TBK1: variants seen among roughly 807,000 people sequenced by gnomAD.
TBK1 encodes the protein serine/threonine-protein kinase TBK1.
Under a neutral mutation model 99.9 loss-of-function variants are expected in TBK1, and 37 were observed. That is an observed-to-expected ratio of 0.37 (90% CI 0.28 to 0.49). TBK1 has a LOEUF of 0.49. TBK1 is among the 20% of genes least tolerant of loss of function. TBK1 has a pLI of 0.98. For missense variants in TBK1, 644 were observed against 872.5 expected, an observed-to-expected ratio of 0.74 and a Z score of 3.30; for synonymous variants, 258 against 279.8, an observed-to-expected ratio of 0.92 and a Z score of 0.78.
chr12:64,489,909 T>A, intron 12 of TBK1, 132 bp from the exon 13 acceptor site: 1 of 594,616 alleles, frequency 1.7e-6, no homozygotes, highest in South Asian at 2.8e-5. Context: ...ATCTGCTGGC[T>A]TATAGACTTT....
At chr12:64,495,237 G>C in intron 13 of TBK1, 1 of 323,330 alleles carries the variant, frequency 3.1e-6, no homozygotes, top group Admixed American at 4.6e-5. Context: ...TTTTAGAAGG[G>C]TGTTTACTGA....
chr12:64,463,167 C>T (rs1186451183), intron 3 of TBK1, among the ~76,000 whole-genome samples: 1 of 151,264 alleles, frequency 6.6e-6, no homozygotes, highest in Admixed American at 6.6e-5. Context: ...GTCAGGAGAT[C>T]GAGACCATCC....
chr12:64,495,426 T>C, intron 13 of TBK1, 57 bp from the exon 14 acceptor site: 3 of 1,591,450 alleles, frequency 1.9e-6, no homozygotes, highest in Non-Finnish European at 2.6e-6. Context: ...TTGTTGGGAC[T>C]GTGATGATCA....
intron 15 of TBK1, chr12:64,496,057 A>G (rs1012430981): frequency 2.7e-6 from 1 of 374,170 alleles, no homozygotes; most frequent in Non-Finnish European, 4.8e-6. Context: ...GGACTCATCT[A>G]CAGGGGAGAG....
rs1035971620 is a variant in TBK1 at position 64,486,101 on chromosome 12, G to C, written c.1340+84G>C. The C allele has an allele frequency of 4.6e-5, 39 of 848,400 alleles. No individual in the cohort carries two copies. The African/African-American group carries it at 6.6e-4, about 14-fold the overall frequency. The allele number at this position is 848,400 out of a possible 1,614,324, so 52.6% of individuals were successfully genotyped here. Reference sequence around the variant, plus strand: ...ATATTTTCTCTCTTCAAACTAGTTAGGTTAGGTGCTTGATTTTTATTATAA... The same window carrying C: ...ATATTTTCTCTCTTCAAACTAGTTACGTTAGGTGCTTGATTTTTATTATAA... On this transcript the variant is annotated intron_variant, in intron 11 of 20. Coordinates refer to ENST00000331710, the MANE Select transcript of TBK1 (RefSeq NM_013254.4).
At chr12:64,494,636 T>G (rs1357039726) in intron 13 of TBK1, among the ~76,000 whole-genome samples, 2 of 152,116 alleles carry the variant, frequency 1.3e-5, no homozygotes, top group Non-Finnish European at 2.9e-5. Flanking sequence ...CACAGAACAT[T>G]TAGAGACAAT....
intron 7 of TBK1, among the ~76,000 whole-genome samples, chr12:64,480,806 T>C (rs1185326721): frequency 6.6e-6 from 1 of 152,204 alleles, no homozygotes; most frequent in Non-Finnish European, 1.5e-5. Flanking sequence ...CCATTTTTCT[T>C]GAGTGTGGTA....
chr12:64,494,702 C>T lies in TBK1; in HGVS notation c.1522-781C>T, dbSNP rs60894389. On this transcript the variant is annotated intron_variant, in intron 13 of 20. Transcript: ENST00000331710. ...ACACTCTTGAAAAAATGCTCAAATC[C>T]AATAGTAAGAAAAAATTGCATAACA... Among the ~76,000 whole-genome samples the T allele has an allele frequency of 2.4e-3, 366 of 152,150 alleles. 1 individual carries two copies. Among genetic ancestry groups the T allele is most frequent in the African/African-American group, 8.6e-3 (355 of 41,506 alleles).
At chr12:64,470,419 C>T (rs2040650961) in intron 5 of TBK1, among the ~76,000 whole-genome samples, 1 of 152,058 alleles carries the variant, frequency 6.6e-6, no homozygotes, top group African/African-American at 2.4e-5. Flanking sequence ...TGTAATACTA[C>T]TTTGAATACA....
intron 11 of TBK1, 83 bp from the exon 12 acceptor site, chr12:64,488,404 A>T (rs1354342049): frequency 1.5e-6 from 1 of 668,536 alleles, no homozygotes; most frequent in African/African-American, 1.9e-5. Context: ...ATGTTTTTGA[A>T]CTGTAGTACT....
chr12:64,482,990 A>G (rs548637078), intron 8 of TBK1, among the ~76,000 whole-genome samples: 3 of 152,204 alleles, frequency 2.0e-5, no homozygotes, highest in Admixed American at 6.5e-5. Flanking sequence ...GGATGCCACC[A>G]TTGGGGGAAG....
chr12:64,490,208 C>A, intron 13 of TBK1, 89 bp downstream of exon 13: 1 of 873,658 alleles, frequency 1.1e-6, no homozygotes, highest in Non-Finnish European at 1.8e-6. Context: ...AGGAGCTAGG[C>A]ATGGTAGTAC....
chr12:64,496,377 T>C lies in TBK1; in HGVS notation c.1731T>C (p.Tyr577=). The part of the protein sequence containing the change: ...KKDKAERRLA[Y]NEEQIHKFDK... ...TTTTCCTATTTCTAGGATTAGCTTA[T>C]AATGAAGAACAAATCCACAAATTTG... The change falls in exon 16 of 21, where the codon TAT becomes TAC. Residue 577 remains tyrosine, a synonymous_variant. Transcript: ENST00000331710. 8.2e-7 allele frequency: 1 copy of C among 1,217,472 alleles called. No homozygotes were observed. The highest frequency in any genetic ancestry group is 1.2e-6 in the Non-Finnish European group (1 of 865,066). The allele number at this position is 1,217,472 out of a possible 1,614,324, so 75.4% of individuals were successfully genotyped here. A position where few individuals can be genotyped will look rare whatever the true frequency, so the allele number is the denominator to read the frequency against.
Position 64,485,430 on chromosome 12 carries a change from C to T in TBK1, c.1190-25C>T, listed in dbSNP as rs763075152. The T allele has an allele frequency of 1.1e-5, 15 of 1,327,706 alleles. No individual in the cohort carries two copies. In the South Asian group the frequency reaches 1.3e-4, roughly 11 times the overall value. 82.2% of individuals were successfully genotyped at this position (1,327,706 alleles called of 1,614,324 possible). A position where few individuals can be genotyped will look rare whatever the true frequency, so the allele number is the denominator to read the frequency against. On this transcript the variant is annotated intron_variant, in intron 9 of 20. Transcript: ENST00000331710. Reference sequence around the variant, plus strand: ...GATTTTTTCAAAAAGTTTTCTTTCTCATTTTATTTTACTTCATATTTCAGT... The same window carrying T: ...GATTTTTTCAAAAAGTTTTCTTTCTTATTTTATTTTACTTCATATTTCAGT...
chr12:64,477,746 GC>G (rs1303726126), intron 6 of TBK1, among the ~76,000 whole-genome samples: 1 of 152,098 alleles, frequency 6.6e-6, no homozygotes, highest in Non-Finnish European at 1.5e-5. Flanking sequence ...AAGGGGAATT[GC>G]CCATTCAGAA....
At chr12:64,495,129 C>T (rs964002626) in intron 13 of TBK1, among the ~76,000 whole-genome samples, 14 of 152,182 alleles carry the variant, frequency 9.2e-5, no homozygotes, top group Admixed American at 5.9e-4. Flanking sequence ...TGGAACTATT[C>T]TAGTGGTTCT....
chr12:64,464,983 C>G (rs1286554411), intron 4 of TBK1, among the ~76,000 whole-genome samples: 1 of 152,060 alleles, frequency 6.6e-6, no homozygotes, highest in Non-Finnish European at 1.5e-5. Context: ...GTGGCTCACG[C>G]CTGTAATCCC....
rs1868250655 is a variant in TBK1, at chr12:64,502,084, A to G, written c.*703A>G. On this transcript the variant is annotated 3_prime_UTR_variant, in exon 21 of 21. Transcript: ENST00000331710. ...TTTAATTCTGCTTACTATTTCATGG[A>G]AAAAAATAAATTTCTCAATTTTAAT... is the stretch of plus-strand genomic sequence containing the variant. 1 of 152,572 alleles carries G rather than the reference A, an allele frequency of 6.6e-6. No individual in the cohort carries two copies. Among genetic ancestry groups the G allele is most frequent in the African/African-American group, 2.4e-5 (1 of 41,414 alleles). The allele number at this position is 152,572 out of a possible 1,614,324, so 9.5% of individuals were successfully genotyped here.
intron 1 of TBK1, among the ~76,000 whole-genome samples, chr12:64,454,077 A>G (rs1230962226): frequency 6.6e-6 from 1 of 152,246 alleles, no homozygotes; most frequent in Non-Finnish European, 1.5e-5. Flanking sequence ...TGAAGGAAAC[A>G]AAGTAATTTT....
Sources: gnomAD v4.1 joint callset for allele counts (sites outside exome capture counted in the v4.1 genomes callset) on GRCh38, gnomAD v4.1.1 for gene constraint, MANE v1.5 for transcripts, NCBI Gene and HGNC (gene_info 2026-07-23, HGNC 2026-07-21) for gene names.